Variants in TTLL5 observed in about 807,000 individuals in gnomAD.
TTLL5 encodes the protein tubulin polyglutamylase TTLL5.
TTLL5 carries 132 observed loss-of-function variants against 168.4 expected under a neutral mutation model. The ratio of observed to expected loss-of-function variants is 0.78; its 90% CI spans 0.68 to 0.91. The LOEUF (loss-of-function observed/expected upper bound fraction) is 0.91, where lower values mean the gene tolerates loss of function less well. TTLL5 is among the 40% of genes least tolerant of loss of function. The pLI, the probability that TTLL5 is intolerant of heterozygous loss-of-function variation, is 0.00. For missense variants in TTLL5, 1,545 were observed against 1,581.5 expected (o/e 0.98, Z 0.39); for synonymous variants, 546 against 558.6 (o/e 0.98, Z 0.32).
At chr14:75,925,779 C>T (rs1595281433) in intron 31 of TTLL5, among the ~76,000 whole-genome samples, 1 of 152,050 alleles carries the variant, frequency 6.6e-6, no homozygotes, top group Admixed American at 6.5e-5. Flanking sequence ...CTGAGTGAAC[C>T]AGACTCCGTC....
At chr14:75,793,605 G>A (rs140497460) in intron 27 of TTLL5, among the ~76,000 whole-genome samples, 60 of 152,194 alleles carry the variant, frequency 3.9e-4, no homozygotes, top group African/African-American at 1.4e-3. Context: ...TTACAGATGG[G>A]GGAACCTGAG....
intron 28 of TTLL5, among the ~76,000 whole-genome samples, chr14:75,843,603 T>C (rs374559757): frequency 6.6e-6 from 1 of 152,234 alleles, no homozygotes; most frequent in African/African-American, 2.4e-5. Flanking sequence ...ATAAGGCAGG[T>C]AGCACTGCAG....
At chr14:75,769,642 A>G (rs1230613457) in intron 20 of TTLL5, among the ~76,000 whole-genome samples, 1 of 152,214 alleles carries the variant, frequency 6.6e-6, no homozygotes, top group Non-Finnish European at 1.5e-5. Context: ...AAGTTTTAGT[A>G]TAAAGGGATG....
intron 28 of TTLL5, among the ~76,000 whole-genome samples, chr14:75,830,008 AAT>A (rs1895472199): frequency 6.6e-6 from 1 of 152,238 alleles, no homozygotes. Context: ...CTAAATGAGA[AAT>A]AGTAGAAAAG....
At chr14:75,802,556 C>A (rs1488243536) in intron 27 of TTLL5, among the ~76,000 whole-genome samples, 9 of 152,172 alleles carry the variant, frequency 5.9e-5, no homozygotes, top group Non-Finnish European at 1.3e-4. Flanking sequence ...GTGGCATTTC[C>A]TGCAAAACTT....
At chr14:75,827,109 C>G (rs935201495) in intron 28 of TTLL5, among the ~76,000 whole-genome samples, 1 of 152,318 alleles carries the variant, frequency 6.6e-6, no homozygotes, top group Non-Finnish European at 1.5e-5. Context: ...TAAAAGTCCT[C>G]TCTTTCCTGA....
At chr14:75,843,857 A>ATTTTATTTTGTTTTGTTTTG (rs138461464) in intron 28 of TTLL5, among the ~76,000 whole-genome samples, 36 of 99,322 alleles carry the variant, frequency 3.6e-4, no homozygotes, top group African/African-American at 1.1e-3. Flanking sequence ...TATTTATTTT[A>ATTTTATTTTGTTTTGTTTTG]TTTTGTTTTG....
chr14:75,916,779 A>G (rs762480257), intron 31 of TTLL5, among the ~76,000 whole-genome samples: 2 of 152,264 alleles, frequency 1.3e-5, no homozygotes, highest in African/African-American at 2.4e-5. Flanking sequence ...AGACAGAAGC[A>G]TCCCAAGTGT....
At chr14:75,826,437 T>A (rs868757977) in intron 28 of TTLL5, among the ~76,000 whole-genome samples, 63 of 152,080 alleles carry the variant, frequency 4.1e-4, no homozygotes, top group African/African-American at 1.4e-3. Context: ...TGTGTTTTTT[T>A]AACTACAACG....
At chr14:75,924,740 C>G (rs150993999) in intron 31 of TTLL5, among the ~76,000 whole-genome samples, 4,260 of 152,106 alleles carry the variant, frequency 0.028, 220 homozygotes, top group African/African-American at 0.079. Flanking sequence ...ATCCTTCCCC[C>G]CTTTCTATTC....
At chr14:75,875,862 A>T (rs2031445864) in intron 29 of TTLL5, among the ~76,000 whole-genome samples, 2 of 152,240 alleles carry the variant, frequency 1.3e-5, no homozygotes, top group South Asian at 4.1e-4. Flanking sequence ...AAAAACATCT[A>T]AATGTTAACA....
intron 28 of TTLL5, among the ~76,000 whole-genome samples, chr14:75,845,331 G>T (rs1896485735): frequency 6.6e-6 from 1 of 152,204 alleles, no homozygotes. Flanking sequence ...GTCAAGACTG[G>T]AATGAGACAT....
At chr14:75,776,119 C>T (rs756181165) in intron 22 of TTLL5, among the ~76,000 whole-genome samples, 3 of 152,084 alleles carry the variant, frequency 2.0e-5, no homozygotes, top group Non-Finnish European at 4.4e-5. Flanking sequence ...TTCTATATCC[C>T]GGGATCTCAG....
chr14:75,677,587 G>A (rs529826871), intron 3 of TTLL5, among the ~76,000 whole-genome samples: 1 of 150,612 alleles, frequency 6.6e-6, no homozygotes, highest in South Asian at 2.1e-4. Flanking sequence ...AGTAGAGATG[G>A]GGTTTCACCA....
At chr14:75,815,856 G>A (rs1386502270) in intron 27 of TTLL5, among the ~76,000 whole-genome samples, 3 of 152,196 alleles carry the variant, frequency 2.0e-5, no homozygotes, top group East Asian at 3.8e-4. Context: ...TTCTCCACTT[G>A]TGAAATGGTG....
chr14:75,825,865 C>G (rs746066550), intron 28 of TTLL5, among the ~76,000 whole-genome samples: 1 of 152,054 alleles, frequency 6.6e-6, no homozygotes, highest in Admixed American at 6.6e-5. Context: ...TGAATTTTCT[C>G]TGCTACTTTT....
intron 2 of TTLL5, among the ~76,000 whole-genome samples, chr14:75,667,052 G>T (rs1055569636): frequency 1.3e-5 from 2 of 151,274 alleles, no homozygotes; most frequent in South Asian, 4.2e-4. Context: ...TGACAACTTC[G>T]CATATTCCTT....
chr14:75,807,429 A>G (rs1469457561), intron 27 of TTLL5, among the ~76,000 whole-genome samples: 3 of 152,252 alleles, frequency 2.0e-5, no homozygotes, highest in African/African-American at 7.2e-5. Flanking sequence ...CTACAAAGTA[A>G]GAAAGACCCT....
chr14:75,949,693 G>A (rs550664391), intron 31 of TTLL5, among the ~76,000 whole-genome samples: 100 of 151,594 alleles, frequency 6.6e-4, no homozygotes, highest in African/African-American at 2.3e-3. Context: ...TACTAAAAAT[G>A]CAAAAAATTA....
Sources: gnomAD v4.1 joint callset for allele counts (sites outside exome capture counted in the v4.1 genomes callset) on GRCh38, gnomAD v4.1.1 for gene constraint, MANE v1.5 for transcripts, NCBI Gene and HGNC (gene_info 2026-07-23, HGNC 2026-07-21) for gene names.